Variants in CNTN5 observed in about 807,000 individuals in gnomAD.
The protein encoded by CNTN5 is contactin 5.
A neutral mutation model predicts 129.1 loss-of-function variants in CNTN5; 77 were observed. The observed-to-expected ratio is 0.60, with a 90% CI of 0.50 to 0.72. The LOEUF (loss-of-function observed/expected upper bound fraction) is 0.72, where lower values mean the gene tolerates loss of function less well. Among genes scored for constraint, CNTN5 ranks in the 30% least tolerant of loss-of-function variants. CNTN5 has a pLI of 0.00. For missense variants in CNTN5, 1,478 were observed against 1,328.8 expected (o/e 1.11, Z -1.75); for synonymous variants, 509 against 465.6 (o/e 1.09, Z -1.20).
intron 21 of CNTN5, among the ~76,000 whole-genome samples, chr11:100,324,833 G>A (rs1951758755): frequency 6.6e-6 from 1 of 151,862 alleles, no homozygotes. Context: ...AATCACTGTT[G>A]AACTGCCTCA....
intron 13 of CNTN5, among the ~76,000 whole-genome samples, chr11:100,124,697 G>A (rs1010368756): frequency 1.4e-4 from 22 of 151,984 alleles, no homozygotes; most frequent in Non-Finnish European, 3.1e-4. Flanking sequence ...TTCACTCTTT[G>A]CAAGTCTTGA....
chr11:100,134,671 A>G (rs1016095114), intron 13 of CNTN5, among the ~76,000 whole-genome samples: 5 of 152,190 alleles, frequency 3.3e-5, no homozygotes, highest in Non-Finnish European at 7.4e-5. Context: ...TGCTTGTGCA[A>G]CAAAACTGCA....
At chr11:100,256,985 A>G (rs1370806222) in intron 17 of CNTN5, among the ~76,000 whole-genome samples, 2 of 152,174 alleles carry the variant, frequency 1.3e-5, no homozygotes, top group Non-Finnish European at 2.9e-5. Flanking sequence ...GGCTGAAGCC[A>G]GAGAGCCAAG....
chr11:100,278,606 G>C (rs1950567394), intron 18 of CNTN5, among the ~76,000 whole-genome samples: 1 of 151,872 alleles, frequency 6.6e-6, no homozygotes, highest in Non-Finnish European at 1.5e-5. Context: ...TTTTCAGATT[G>C]TTCACAGTTT....
At chr11:99,815,841 T>C (rs1946569564) in intron 3 of CNTN5, among the ~76,000 whole-genome samples, 1 of 152,138 alleles carries the variant, frequency 6.6e-6, no homozygotes, top group Admixed American at 6.5e-5. Flanking sequence ...TTCATCTTAT[T>C]ATTCCATCTC....
intron 2 of CNTN5, among the ~76,000 whole-genome samples, chr11:99,484,061 A>C (rs1476174371): frequency 6.6e-6 from 1 of 152,180 alleles, no homozygotes; most frequent in Admixed American, 6.5e-5. Context: ...AAATGGGACT[A>C]TATCTAACTA....
intron 15 of CNTN5, among the ~76,000 whole-genome samples, chr11:100,223,571 C>T (rs1431971754): frequency 6.6e-6 from 1 of 152,062 alleles, no homozygotes; most frequent in Non-Finnish European, 1.5e-5. Context: ...TATCAGGATA[C>T]TGACTACTAA....
At chr11:99,312,556 T>C (rs1418525449) in intron 1 of CNTN5, among the ~76,000 whole-genome samples, 15 of 152,146 alleles carry the variant, frequency 9.9e-5, no homozygotes, top group Admixed American at 9.8e-4. Flanking sequence ...CATTATAATA[T>C]AGTCAGACAG....
chr11:99,638,490 G>C (rs1246782306), intron 3 of CNTN5, among the ~76,000 whole-genome samples: 1 of 152,092 alleles, frequency 6.6e-6, no homozygotes, highest in Non-Finnish European at 1.5e-5. Flanking sequence ...AAAGTCCAAA[G>C]TCCAAAGTCT....
intron 3 of CNTN5, among the ~76,000 whole-genome samples, chr11:99,767,647 A>C (rs553090718): frequency 6.7e-6 from 1 of 150,282 alleles, no homozygotes; most frequent in East Asian, 1.9e-4. Context: ...AAAACCCATC[A>C]GATCAAGGAA....
At chr11:99,387,610 A>G (rs1940991579) in intron 2 of CNTN5, among the ~76,000 whole-genome samples, 1 of 152,124 alleles carries the variant, frequency 6.6e-6, no homozygotes, top group Non-Finnish European at 1.5e-5. Flanking sequence ...CCATCCACTC[A>G]GTAGAAATAC....
chr11:99,372,068 T>C (rs368093412), intron 2 of CNTN5, among the ~76,000 whole-genome samples: 2 of 152,244 alleles, frequency 1.3e-5, no homozygotes, highest in African/African-American at 4.8e-5. Flanking sequence ...TTCTATTTAT[T>C]GTTATGGAAA....
At chr11:99,521,275 C>T (rs1947265863) in intron 2 of CNTN5, among the ~76,000 whole-genome samples, 1 of 152,148 alleles carries the variant, frequency 6.6e-6, no homozygotes, top group African/African-American at 2.4e-5. Flanking sequence ...GCTTCCTGAG[C>T]TTCCAGAAGT....
intron 1 of CNTN5, among the ~76,000 whole-genome samples, chr11:99,051,670 A>G (rs963705313): frequency 2.0e-5 from 3 of 151,946 alleles, no homozygotes; most frequent in African/African-American, 7.2e-5. Flanking sequence ...AGAATCACTG[A>G]CTTATCATCT....
At chr11:100,341,294 A>G (rs995372045) in intron 23 of CNTN5, 89 bp downstream of exon 23, 6 of 891,962 alleles carry the variant, frequency 6.7e-6, no homozygotes, top group Non-Finnish European at 1.1e-5. Flanking sequence ...AAAAAGACCC[A>G]TTAACCAACC....
intron 3 of CNTN5, among the ~76,000 whole-genome samples, chr11:99,787,094 T>A (rs1291844926): frequency 6.6e-6 from 1 of 151,080 alleles, no homozygotes; most frequent in Admixed American, 6.6e-5. Context: ...CTACATGTTT[T>A]TTTTTTGTTT....
chr11:99,844,707 C>G, intron 4 of CNTN5, 145 bp from the exon 5 acceptor site: 1 of 680,478 alleles, frequency 1.5e-6, no homozygotes, highest in Non-Finnish European at 2.5e-6. Context: ...ATGCAGTTTT[C>G]TAGCTATTCC....
Position 99,765,418 on chromosome 11 carries a change from T to C in CNTN5, c.56-54126T>C, listed in dbSNP as rs1003781335. On this transcript the variant is annotated intron_variant, in intron 3 of 24. Transcript: ENST00000524871. ...TGAGATTTAGTCACTGGGGAACATT[T>C]GCAGGTCTTTAGTAGGGATCATAAG... 2.0e-5 allele frequency among the ~76,000 whole-genome samples: 3 copies of C among 151,820 alleles called. No individual in the cohort carries two copies. The Admixed American group carries it at 2.0e-4, about 10-fold the overall frequency.
chr11:99,338,497 T>C (rs1382967838), intron 2 of CNTN5, among the ~76,000 whole-genome samples: 1 of 152,134 alleles, frequency 6.6e-6, no homozygotes, highest in Non-Finnish European at 1.5e-5. Flanking sequence ...TTGTTCGTTT[T>C]GGGGATAACT....
Sources: allele counts gnomAD v4.1 joint callset (sites outside exome capture counted in the v4.1 genomes callset), GRCh38; gene constraint gnomAD v4.1.1; transcripts MANE v1.5; gene names NCBI Gene and HGNC (gene_info 2026-07-23, HGNC 2026-07-21).